Variants in RBFOX2 observed in about 807,000 individuals in gnomAD.
RBFOX2 encodes RNA binding fox-1 homolog 2.
RBFOX2 carries 10 observed loss-of-function variants against 49.1 expected under a neutral mutation model. That is an observed-to-expected ratio of 0.20 (90% CI 0.13 to 0.35). The LOEUF (loss-of-function observed/expected upper bound fraction) is 0.35, where lower values mean the gene tolerates loss of function less well. Among genes scored for constraint, RBFOX2 ranks in the 10% least tolerant of loss-of-function variants. The pLI is 1.00. For synonymous variants in RBFOX2, 183 were observed against 187.4 expected (o/e 0.98, Z 0.19); for missense variants, 323 against 486.9 (o/e 0.66, Z 3.17).
At chr22:35,829,862 G>A (rs1039314573) in intron 1 of RBFOX2, among the ~76,000 whole-genome samples, 17 of 152,008 alleles carry the variant, frequency 1.1e-4, no homozygotes, top group African/African-American at 2.4e-4. Context: ...CATGCCCTTC[G>A]TCCTTCCTGC....
intron 1 of RBFOX2, among the ~76,000 whole-genome samples, chr22:35,919,817 C>A: frequency 6.6e-6 from 1 of 152,322 alleles, no homozygotes; most frequent in Non-Finnish European, 1.5e-5. Flanking sequence ...CCTGCCTGCT[C>A]CTTCCTATCA....
chr22:35,884,763 T>TGG (rs2149319898), intron 1 of RBFOX2, among the ~76,000 whole-genome samples: 1 of 152,158 alleles, frequency 6.6e-6, no homozygotes, highest in South Asian at 2.1e-4. Context: ...TATCAGGAGG[T>TGG]GGGGATCACT....
At chr22:35,880,129 T>C (rs560586724) in intron 1 of RBFOX2, among the ~76,000 whole-genome samples, 1 of 150,870 alleles carries the variant, frequency 6.6e-6, no homozygotes, top group East Asian at 2.0e-4. Context: ...CACTGCAGCC[T>C]GGGCGACAGA....
At chr22:35,771,200 G>C (rs534716992) in intron 4 of RBFOX2, among the ~76,000 whole-genome samples, 11 of 152,194 alleles carry the variant, frequency 7.2e-5, no homozygotes, top group Non-Finnish European at 1.6e-4. Context: ...GAGATAGAGA[G>C]ATTATCCTGG....
At chr22:35,917,414 G>A (rs1334217500) in intron 1 of RBFOX2, among the ~76,000 whole-genome samples, 3 of 152,194 alleles carry the variant, frequency 2.0e-5, no homozygotes, top group Non-Finnish European at 4.4e-5. Context: ...CACTAAGAAT[G>A]AGGGGAGGGG....
At chr22:35,944,704 T>C (rs1247795027) in intron 1 of RBFOX2, among the ~76,000 whole-genome samples, 2 of 152,148 alleles carry the variant, frequency 1.3e-5, no homozygotes, top group African/African-American at 2.4e-5. Flanking sequence ...CTTCCTGGCT[T>C]CTATCATTGC....
At chr22:35,875,200 G>C (rs1374091559) in intron 1 of RBFOX2, among the ~76,000 whole-genome samples, 1 of 152,144 alleles carries the variant, frequency 6.6e-6, no homozygotes, top group Non-Finnish European at 1.5e-5. Context: ...AGCCCTAGCA[G>C]ACTAAGATAA....
intron 9 of RBFOX2, among the ~76,000 whole-genome samples, chr22:35,758,452 C>A (rs888958492): frequency 2.0e-5 from 3 of 152,150 alleles, no homozygotes; most frequent in African/African-American, 7.2e-5. Flanking sequence ...TGGATTACAA[C>A]GGAAGACATT....
intron 1 of RBFOX2, among the ~76,000 whole-genome samples, chr22:35,884,184 ATGGGGTTTTGCTATGT>A (rs2046292375): frequency 1.3e-5 from 2 of 151,594 alleles, no homozygotes; most frequent in African/African-American, 4.9e-5. Flanking sequence ...TTTAGTAGAG[ATGGGGTTTTGCTATGT>A]TGCCCAGGCT....
intron 1 of RBFOX2, among the ~76,000 whole-genome samples, chr22:36,001,387 C>A (rs547118480): frequency 6.6e-6 from 1 of 152,202 alleles, no homozygotes; most frequent in South Asian, 2.1e-4. Flanking sequence ...AAAAACAATT[C>A]TTTTGAACCT....
At chr22:36,011,510 C>A (rs191033226) in intron 1 of RBFOX2, among the ~76,000 whole-genome samples, 10 of 152,154 alleles carry the variant, frequency 6.6e-5, no homozygotes, top group Non-Finnish European at 1.5e-4. Context: ...CATATATAAA[C>A]TGATACGAAA....
chr22:35,883,399 G>A lies in RBFOX2; in HGVS notation c.-34+55448C>T, dbSNP rs192124019. Among the ~76,000 whole-genome samples, 60 of 152,314 alleles carry A rather than the reference G, an allele frequency of 3.9e-4. No homozygotes were observed. In the South Asian group the frequency reaches 0.011, roughly 28 times the overall value. On this transcript the variant is annotated intron_variant, in intron 1 of 13. Transcript: ENST00000359369. ...AAGGCTAGAAGCCCTATTGTTTGAC[G>A]GAGAGGCCTTGAGTGTGACTGAAGA... is the stretch of plus-strand genomic sequence containing the variant.
chr22:35,765,556 A>G (rs1480725991), intron 5 of RBFOX2, 73 bp from the exon 7 acceptor site: 2 of 792,730 alleles, frequency 2.5e-6, no homozygotes, highest in Non-Finnish European at 4.0e-6. Context: ...TGCACATCCA[A>G]TAACAGAGTA....
chr22:36,001,184 T>C (rs1460900225), intron 1 of RBFOX2, among the ~76,000 whole-genome samples: 4 of 133,586 alleles, frequency 3.0e-5, no homozygotes, highest in Non-Finnish European at 6.5e-5. Flanking sequence ...CCCCAAAACA[T>C]ACACACACAC....
intron 9 of RBFOX2, among the ~76,000 whole-genome samples, chr22:35,756,895 T>C (rs984643989): frequency 6.6e-5 from 10 of 151,802 alleles, no homozygotes; most frequent in Non-Finnish European, 1.3e-4. Flanking sequence ...CCACAATGCA[T>C]TGCTTTCACA....
Position 35,809,634 on chromosome 22 carries a change from T to A in RBFOX2, c.252+146A>T, listed in dbSNP as rs189595671. On this transcript the variant is annotated intron_variant, in intron 2 of 11. Transcript: ENST00000405409. ...ATTTCTAGGAGGAGGGAGGACAATGTATACAATGCTGTTGAGAGAAGGTGT... is the reference window on the plus strand; with the variant it reads ...ATTTCTAGGAGGAGGGAGGACAATGAATACAATGCTGTTGAGAGAAGGTGT... 62 of 914,996 alleles carry A rather than the reference T, an allele frequency of 6.8e-5. No individual in the cohort carries two copies. The African/African-American group carries it at 8.1e-4, about 12-fold the overall frequency. 56.7% of individuals were successfully genotyped at this position (914,996 alleles called of 1,614,324 possible).
At chr22:35,892,443 A>G (rs2047363309) in intron 1 of RBFOX2, among the ~76,000 whole-genome samples, 1 of 152,210 alleles carries the variant, frequency 6.6e-6, no homozygotes. Flanking sequence ...TCTATCTCAG[A>G]GTTCTAGACA....
Position 36,028,479 on chromosome 22 carries a change from C to A in RBFOX2, c.-54G>T. 4 of 1,131,154 alleles carry A rather than the reference C, an allele frequency of 3.5e-6. No individual in the cohort carries two copies. In the Admixed American group the frequency reaches 1.5e-4, roughly 42 times the overall value. The allele number at this position is 1,131,154 out of a possible 1,614,324, so 70.1% of individuals were successfully genotyped here. A position where few individuals can be genotyped will look rare whatever the true frequency, so the allele number is the denominator to read the frequency against. On this transcript the variant is annotated 5_prime_UTR_variant, in exon 1 of 14. Coordinates refer to the RBFOX2 transcript ENST00000438146. The stretch of plus-strand genomic sequence containing the variant: ...CCGGGCGACCCGCGACAGGCCACCT[C>A]CCCCTGGGCCTCGGCCCCGACTGTC...
At chr22:35,887,073 T>C (rs1266187437) in intron 1 of RBFOX2, among the ~76,000 whole-genome samples, 4 of 152,240 alleles carry the variant, frequency 2.6e-5, no homozygotes, top group African/African-American at 9.6e-5. Flanking sequence ...GTTCCAAATT[T>C]AGTCCTTAAT....
Sources: allele counts gnomAD v4.1 joint callset (sites outside exome capture counted in the v4.1 genomes callset), GRCh38; gene constraint gnomAD v4.1.1; transcripts MANE v1.5; gene names NCBI Gene and HGNC (gene_info 2026-07-23, HGNC 2026-07-21).